The following TNR variants were observed in gnomAD, a reference collection of about 807,000 sequenced individuals.
The protein encoded by TNR is tenascin-R.
A neutral mutation model predicts 150.4 loss-of-function variants in TNR; 45 were observed. That is an observed-to-expected ratio of 0.30 (90% CI 0.24 to 0.38). The LOEUF is 0.38. TNR is among the 10% of genes least tolerant of loss of function. The probability of loss-of-function intolerance (pLI) is 1.00; values close to 1 mark genes in which losing one functional copy is unlikely to be tolerated. For missense variants in TNR, 1,544 were observed against 1,759.1 expected (o/e 0.88, Z 2.19); for synonymous variants, 687 against 678.4 (o/e 1.01, Z -0.20).
chr1:175,367,295 G>C lies in TNR; in HGVS notation c.1966C>G (p.Leu656Val). 1.2e-6 allele frequency: 2 copies of C among 1,613,924 alleles called. No individual in the cohort carries two copies. The highest frequency in any genetic ancestry group is 1.7e-6 in the Non-Finnish European group (2 of 1,179,774). Residue 656 changes from leucine (L) to valine (V), a missense_variant and splice_region_variant, in exon 10 of 23, where the codon CTG (leucine) becomes GTG (valine). Transcript: ENST00000367674. The part of the protein sequence containing the change: ...GPTTRATLTD[L>V]VPGTEYGVGI... Reference sequence around the variant, plus strand: ...ACTCCATACTCAGTGCCAGGTACCAGATCTATCAGTGGATGGAGAAACAAA... The same window carrying C: ...ACTCCATACTCAGTGCCAGGTACCACATCTATCAGTGGATGGAGAAACAAA...
Position 175,380,737 on chromosome 1 carries a change from T to G in TNR, c.1778-1000A>C, listed in dbSNP as rs1417319475. Among the ~76,000 whole-genome samples the G allele has an allele frequency of 3.3e-5, 5 of 152,306 alleles. No individual in the cohort carries two copies. In the East Asian group the frequency reaches 9.7e-4, roughly 29 times the overall value. ...CCCAGGACTGGCTATCTCCTCAAGC[T>G]GCTTTGGGCAGAAACAGCATAAACA... On this transcript the variant is annotated intron_variant, in intron 8 of 22. Coordinates refer to ENST00000367674, the MANE Select transcript of TNR (RefSeq NM_003285.3).
chr1:175,725,105 T>G (rs1667443826), intron 1 of TNR, among the ~76,000 whole-genome samples: 1 of 152,162 alleles, frequency 6.6e-6, no homozygotes, highest in Admixed American at 6.5e-5. Context: ...CATGATCAGA[T>G]GTACATATTG....
At chr1:175,365,340 A>G in intron 11 of TNR, 61 bp from the exon 12 acceptor site, 1 of 1,524,548 alleles carries the variant, frequency 6.6e-7, no homozygotes, top group East Asian at 2.3e-5. Context: ...ACTGGGCTAG[A>G]AGAACTTCTT....
intron 20 of TNR, among the ~76,000 whole-genome samples, chr1:175,332,112 A>G (rs1424316504): frequency 6.6e-6 from 1 of 152,186 alleles, no homozygotes; most frequent in Non-Finnish European, 1.5e-5. Flanking sequence ...GCTGTTAGCA[A>G]CTTGCAGCTG....
chr1:175,622,615 G>A (rs962888462), intron 1 of TNR, among the ~76,000 whole-genome samples: 8 of 152,154 alleles, frequency 5.3e-5, no homozygotes, highest in Non-Finnish European at 1.2e-4. Flanking sequence ...CTTCCTCTGG[G>A]AAGCTTTCCC....
intron 1 of TNR, among the ~76,000 whole-genome samples, chr1:175,651,168 C>T (rs902501754): frequency 7.0e-6 from 1 of 142,850 alleles, no homozygotes; most frequent in South Asian, 2.4e-4. Flanking sequence ...ATTATTCCAC[C>T]TTCCCCACCT....
chr1:175,481,109 C>G (rs1279000907), intron 2 of TNR, among the ~76,000 whole-genome samples: 1 of 151,984 alleles, frequency 6.6e-6, no homozygotes, highest in African/African-American at 2.4e-5. Context: ...ATTGTCTGGA[C>G]CAGCGAGAGA....
chr1:175,342,517 AAG>A (rs971124714), intron 18 of TNR, among the ~76,000 whole-genome samples: 18 of 152,340 alleles, frequency 1.2e-4, no homozygotes, highest in African/African-American at 4.1e-4. Context: ...CAATTGGAGG[AAG>A]AGTCTTTTGG....
intron 2 of TNR, among the ~76,000 whole-genome samples, chr1:175,439,748 TA>T (rs1203614347): frequency 6.6e-6 from 1 of 152,186 alleles, no homozygotes; most frequent in East Asian, 1.9e-4. Flanking sequence ...AGAAGACATT[TA>T]TGCAGCCAAA....
chr1:175,653,716 A>G (rs74127391), intron 1 of TNR, among the ~76,000 whole-genome samples: 174 of 152,296 alleles, frequency 1.1e-3, no homozygotes, highest in African/African-American at 4.1e-3. Flanking sequence ...AGATATCTCA[A>G]AGTCAAAAGA....
At chr1:175,614,957 T>C (rs1454675110) in intron 1 of TNR, among the ~76,000 whole-genome samples, 1 of 152,194 alleles carries the variant, frequency 6.6e-6, no homozygotes, top group African/African-American at 2.4e-5. Context: ...GGAACTCCCT[T>C]CCTCTAGCCC....
At chr1:175,452,580 A>G (rs1352878857) in intron 2 of TNR, among the ~76,000 whole-genome samples, 3 of 152,214 alleles carry the variant, frequency 2.0e-5, no homozygotes, top group Non-Finnish European at 4.4e-5. Flanking sequence ...AGCTGGGCAG[A>G]GGCTCACATG....
chr1:175,574,313 G>T (rs1248372680), intron 1 of TNR, among the ~76,000 whole-genome samples: 14 of 152,124 alleles, frequency 9.2e-5, no homozygotes. Flanking sequence ...TGTCCCCATT[G>T]TCCTTTTCTG....
chr1:175,531,583 G>A (rs985749086), intron 1 of TNR, among the ~76,000 whole-genome samples: 4 of 152,124 alleles, frequency 2.6e-5, no homozygotes, highest in Middle Eastern at 3.2e-3. Context: ...GGCACCCCAA[G>A]AGACATACAC....
At chr1:175,425,674 G>A (rs1207981572) in intron 2 of TNR, among the ~76,000 whole-genome samples, 1 of 152,192 alleles carries the variant, frequency 6.6e-6, no homozygotes, top group Non-Finnish European at 1.5e-5. Flanking sequence ...GGAGCAATGG[G>A]ATCTGTTTGC....
chr1:175,453,991 G>T (rs190648390), intron 2 of TNR, among the ~76,000 whole-genome samples: 1 of 152,112 alleles, frequency 6.6e-6, no homozygotes, highest in African/African-American at 2.4e-5. Flanking sequence ...TCCAGAGATG[G>T]GGCCCTGCTG....
intron 15 of TNR, among the ~76,000 whole-genome samples, chr1:175,359,139 C>CTTTTTTTTATTTTTTTTT (rs1651468839): frequency 2.4e-5 from 1 of 42,138 alleles, no homozygotes; most frequent in Non-Finnish European, 4.3e-5. Flanking sequence ...GGGATATCTT[C>CTTTTTTTTATTTTTTTTT]TTTTTTTTTT....
chr1:175,364,260 A>G lies in TNR; in HGVS notation c.2588-433T>C, dbSNP rs143065379. On this transcript the variant is annotated intron_variant, in intron 12 of 22. Transcript: ENST00000367674. ...TTGAAAAACTGCCTATTGACTATAC[A>G]GGGATTTCAGAGCACAAGTCCAGAA... Among the ~76,000 whole-genome samples, 104 of 151,864 alleles carry G rather than the reference A, an allele frequency of 6.8e-4. 2 individuals are homozygous for G. In the East Asian group the frequency reaches 9.1e-3, roughly 13 times the overall value.
intron 2 of TNR, among the ~76,000 whole-genome samples, chr1:175,444,279 G>A (rs143694401): frequency 9.2e-4 from 140 of 152,296 alleles, no homozygotes; most frequent in African/African-American, 3.1e-3. Flanking sequence ...GTTTTAAATA[G>A]CCTCTTGATT....
Sources: gnomAD v4.1 joint callset for allele counts (sites outside exome capture counted in the v4.1 genomes callset) on GRCh38, gnomAD v4.1.1 for gene constraint, MANE v1.5 for transcripts, NCBI Gene and HGNC (gene_info 2026-07-23, HGNC 2026-07-21) for gene names.